Variants in C4orf51 observed in about 807,000 individuals in gnomAD.
C4orf51 encodes the protein uncharacterized protein C4orf51.
Under a neutral mutation model 25.2 loss-of-function variants are expected in C4orf51, and 25 were observed. That is an observed-to-expected ratio of 0.99 (90% confidence interval 0.72 to 1.39). The LOEUF (loss-of-function observed/expected upper bound fraction) is 1.39, where lower values mean the gene tolerates loss of function less well. Ranked by LOEUF, C4orf51 falls within the 40% of genes most tolerant of loss-of-function variation. C4orf51 has a pLI of 0.00. For synonymous variants in C4orf51, 100 were observed against 84.5 expected (o/e 1.18, Z -1.01); for missense variants, 252 against 239.6 (o/e 1.05, Z -0.34).
At chr4:145,704,334 C>T (rs368084457) in intron 2 of C4orf51, among the ~76,000 whole-genome samples, 4 of 152,198 alleles carry the variant, frequency 2.6e-5, no homozygotes, top group African/African-American at 9.7e-5. Context: ...GATATGGCTT[C>T]ATTAATGAAG....
chr4:145,734,737 C>A (rs143643745), downstream of C4orf51, among the ~76,000 whole-genome samples: 281 of 152,344 alleles, frequency 1.8e-3, no homozygotes, highest in Non-Finnish European at 3.2e-3. Context: ...ATGACTCAGG[C>A]TGTCCTGGCA....
At chr4:145,782,310 T>C in the C4orf51 span, among the ~76,000 whole-genome samples, 1 of 152,164 alleles carries the variant, frequency 6.6e-6, no homozygotes, top group Non-Finnish European at 1.5e-5. Flanking sequence ...AGTATTACTG[T>C]GGCAACACAA....
At chr4:145,713,440 TGA>T (rs1421401595) in intron 2 of C4orf51, among the ~76,000 whole-genome samples, 1 of 152,218 alleles carries the variant, frequency 6.6e-6, no homozygotes. Context: ...TGGATGAGTC[TGA>T]GGGGTTTAAG....
In C4orf51 at chr4:145,762,134, G is replaced by A. The variant is rs555147795; in HGVS notation, n.167-8854G>A. Among the ~76,000 whole-genome samples the A allele has an allele frequency of 4.6e-5, 7 of 152,316 alleles. No individual in the cohort carries two copies. Among genetic ancestry groups the A allele is most frequent in the African/African-American group, 1.2e-4 (5 of 41,580 alleles). On this transcript the variant is annotated intron_variant and non_coding_transcript_variant, in intron 1 of 1. Coordinates refer to the C4orf51 transcript ENST00000510096. This position sits in a 1 kb window ranked among gnomAD's most constrained non-coding sequence, Gnocchi z 4.9. The stretch of plus-strand genomic sequence containing the variant: ...ACAGAAAGTCACAGGGGTCAGAATC[G>A]TGCTTATTAAGGGTTTGTTAGGATG...
chr4:145,730,344 G>A (rs1449327845), intron 5 of C4orf51, among the ~76,000 whole-genome samples: 1 of 152,112 alleles, frequency 6.6e-6, no homozygotes, highest in Non-Finnish European at 1.5e-5. Flanking sequence ...TGGTTGCCCG[G>A]TGGCTGGAGT....
At chr4:145,716,346 T>G (rs1731412851) in intron 2 of C4orf51, among the ~76,000 whole-genome samples, 3 of 152,102 alleles carry the variant, frequency 2.0e-5, no homozygotes, top group Admixed American at 2.0e-4. Context: ...GAGACACACG[T>G]GCTCTTTCTC....
chr4:145,733,378 C>T (rs375481345), downstream of C4orf51, among the ~76,000 whole-genome samples: 1 of 152,216 alleles, frequency 6.6e-6, no homozygotes, highest in South Asian at 2.1e-4. Context: ...AGGGAGGGAC[C>T]GGGAGCGGCA....
At chr4:145,713,108 T>A (rs1731222520) in intron 2 of C4orf51, among the ~76,000 whole-genome samples, 1 of 152,216 alleles carries the variant, frequency 6.6e-6, no homozygotes, top group Non-Finnish European at 1.5e-5. Flanking sequence ...CGACTGACAA[T>A]GCACCTGGTC....
At chr4:145,693,166 A>G (rs1416267954) in intron 1 of C4orf51, among the ~76,000 whole-genome samples, 3 of 148,684 alleles carry the variant, frequency 2.0e-5, no homozygotes, top group African/African-American at 7.4e-5. Context: ...TTTCCTAGGC[A>G]GAGGACCCTG....
At chr4:145,721,881 G>T (rs1033918236) in intron 2 of C4orf51, among the ~76,000 whole-genome samples, 1 of 152,172 alleles carries the variant, frequency 6.6e-6, no homozygotes, top group Non-Finnish European at 1.5e-5. Context: ...CGGGAGTTAC[G>T]TGGGGAGAAA....
Position 145,732,561 on chromosome 4 carries a change from G to A in C4orf51, c.*1G>A. 6.2e-7 allele frequency: 1 copy of A among 1,601,544 alleles called. No individual in the cohort carries two copies. Among genetic ancestry groups the A allele is most frequent in the East Asian group, 2.2e-5 (1 of 44,806 alleles). On this transcript the variant is annotated 3_prime_UTR_variant, in exon 6 of 6. Coordinates refer to ENST00000438731, the MANE Select transcript of C4orf51 (RefSeq NM_001080531.3). Reference sequence around the variant, plus strand: ...AGGACCCTCATCGCCATTTAACTGAGTTGGAAAATGAAGCCACAAGGCTGG... The same window carrying A: ...AGGACCCTCATCGCCATTTAACTGAATTGGAAAATGAAGCCACAAGGCTGG...
chr4:145,780,981 G>T, the C4orf51 span, among the ~76,000 whole-genome samples: 8 of 152,146 alleles, frequency 5.3e-5, no homozygotes, highest in Admixed American at 2.6e-4. Context: ...GGGATCACAA[G>T]GTCAGAAGAT....
At chr4:145,764,415 T>A (rs1033466885) in intron 1 of C4orf51, among the ~76,000 whole-genome samples, 4 of 152,192 alleles carry the variant, frequency 2.6e-5, no homozygotes, top group Admixed American at 6.5e-5. Flanking sequence ...AAGGGCCTCT[T>A]GAAAATACTG....
intron 1 of C4orf51, among the ~76,000 whole-genome samples, chr4:145,692,279 T>A (rs190397770): frequency 6.6e-6 from 1 of 152,222 alleles, no homozygotes; most frequent in Non-Finnish European, 1.5e-5. Flanking sequence ...CTCAGTAATC[T>A]CACAAACATA....
the C4orf51 span, among the ~76,000 whole-genome samples, chr4:145,784,218 G>C: frequency 6.6e-6 from 1 of 152,206 alleles, no homozygotes; most frequent in Admixed American, 6.5e-5. Flanking sequence ...AGTATTTCTT[G>C]ATAGCACTGC....
chr4:145,760,284 T>G (rs1463255887), intron 1 of C4orf51: 8 of 152,260 alleles, frequency 5.3e-5, no homozygotes, highest in African/African-American at 1.9e-4. Flanking sequence ...AAGAAGCCAG[T>G]ACAAAGAATG....
chr4:145,684,745 T>C (rs1190496373), intron 1 of C4orf51, among the ~76,000 whole-genome samples: 1 of 152,144 alleles, frequency 6.6e-6, no homozygotes, highest in African/African-American at 2.4e-5. Flanking sequence ...TTAATTTTGC[T>C]GTGACTGAAA....
chr4:145,761,674 G>T lies in C4orf51; in HGVS notation n.167-9314G>T. On this transcript the variant is annotated intron_variant and non_coding_transcript_variant, in intron 1 of 1. Coordinates refer to the C4orf51 transcript ENST00000510096. The surrounding 1 kb of genome is among the most constrained non-coding windows in gnomAD (Gnocchi z 6.8). ...AGCCGCGCTTCTCGCCGCCTCACCA[G>T]CCTTCCCTCACACCACCCCCCAGTG... The T allele has an allele frequency of 1.1e-6, 1 of 933,396 alleles. No homozygotes were observed. The highest frequency in any genetic ancestry group is 1.4e-6 in the Non-Finnish European group (1 of 693,836). The allele number at this position is 933,396 out of a possible 1,614,324, so 57.8% of individuals were successfully genotyped here.
chr4:145,708,592 T>C (rs1730964922), intron 2 of C4orf51, among the ~76,000 whole-genome samples: 1 of 152,226 alleles, frequency 6.6e-6, no homozygotes, highest in Non-Finnish European at 1.5e-5. Flanking sequence ...ATCACAATTA[T>C]GCACTTGGGA....
Sources: allele counts gnomAD v4.1 joint callset (sites outside exome capture counted in the v4.1 genomes callset), GRCh38; gene constraint gnomAD v4.1.1; non-coding constraint Gnocchi (gnomAD v3.1); transcripts MANE v1.5; gene names NCBI Gene and HGNC (gene_info 2026-07-23, HGNC 2026-07-21).